ATL3: variants seen among roughly 807,000 people sequenced by gnomAD.
ATL3 encodes atlastin GTPase 3, also known as atlastin-3.
A neutral mutation model predicts 69.5 loss-of-function variants in ATL3; 49 were observed. The observed-to-expected ratio is 0.71, with a 90% CI of 0.56 to 0.89. The LOEUF is 0.89. Among genes scored for constraint, ATL3 ranks in the 40% least tolerant of loss-of-function variants. The pLI, the probability that ATL3 is intolerant of heterozygous loss-of-function variation, is 0.00. For synonymous variants in ATL3, 214 were observed against 224.1 expected (o/e 0.95, Z 0.40); for missense variants, 606 against 645.7 (o/e 0.94, Z 0.67).
At chr11:63,638,636 C>T (rs1267449780) in intron 8 of ATL3, among the ~76,000 whole-genome samples, 3 of 151,626 alleles carry the variant, frequency 2.0e-5, no homozygotes, top group African/African-American at 7.3e-5. Context: ...GCCCGGGAGG[C>T]GGAGGTGGCA....
chr11:63,646,579 A>T lies in ATL3; in HGVS notation c.562-16T>A. The T allele has an allele frequency of 6.3e-7, 1 of 1,586,676 alleles. No individual in the cohort carries two copies. The highest frequency in any genetic ancestry group is 1.2e-5 in the South Asian group (1 of 86,712). On this transcript the variant is annotated splice_polypyrimidine_tract_variant and intron_variant, in intron 5 of 12. Coordinates refer to ENST00000398868, the MANE Select transcript of ATL3 (RefSeq NM_015459.5). ...CTGTGAAGAGCTTTAAAAAAGAAGCATTATGGTTTGTAAAGCAAAATTACT... is the reference window on the plus strand; with the variant it reads ...CTGTGAAGAGCTTTAAAAAAGAAGCTTTATGGTTTGTAAAGCAAAATTACT...
At chr11:63,657,071 A>C (rs1940276325) in intron 3 of ATL3, among the ~76,000 whole-genome samples, 1 of 151,424 alleles carries the variant, frequency 6.6e-6, no homozygotes, top group Admixed American at 6.6e-5. Flanking sequence ...TTATCCAGGC[A>C]TGGTGGTGTG....
Position 63,624,289 on chromosome 11 carries a change from T to G in ATL3, c.*5030A>C, listed in dbSNP as rs569120888. ...TAAAATAAAAAAACCTGAGGAAAATTTGTGTATGTACAAGATTAGTATTAA... is the reference window on the plus strand; with the variant it reads ...TAAAATAAAAAAACCTGAGGAAAATGTGTGTATGTACAAGATTAGTATTAA... On this transcript the variant is annotated 3_prime_UTR_variant, in exon 13 of 13. Coordinates refer to ENST00000398868, the MANE Select transcript of ATL3 (RefSeq NM_015459.5). The G allele has an allele frequency of 6.6e-6, 1 of 152,168 alleles. No individual in the cohort carries two copies. The highest frequency in any genetic ancestry group is 2.1e-4 in the South Asian group (1 of 4,838). 9.4% of individuals were successfully genotyped at this position (152,168 alleles called of 1,614,324 possible).
intron 3 of ATL3, among the ~76,000 whole-genome samples, chr11:63,653,401 G>T (rs1940140811): frequency 6.6e-6 from 1 of 151,714 alleles, no homozygotes; most frequent in Non-Finnish European, 1.5e-5. Flanking sequence ...GGAGGCAGAG[G>T]TTGCAGTGAG....
intron 8 of ATL3, among the ~76,000 whole-genome samples, chr11:63,637,079 C>G (rs998051835): frequency 6.6e-6 from 1 of 152,066 alleles, no homozygotes; most frequent in Non-Finnish European, 1.5e-5. Flanking sequence ...GAGTTCCAGA[C>G]CAGTCTGGCC....
chr11:63,635,739 G>C (rs1235490574), intron 9 of ATL3, 149 bp from the exon 10 acceptor site: 2 of 632,376 alleles, frequency 3.2e-6, no homozygotes, highest in East Asian at 5.5e-5. Flanking sequence ...ACACACCTTT[G>C]AGTGCATGTT....
intron 10 of ATL3, among the ~76,000 whole-genome samples, chr11:63,633,738 A>G (rs1374467536): frequency 6.7e-6 from 1 of 149,324 alleles, no homozygotes; most frequent in Non-Finnish European, 1.5e-5. Context: ...AAAAAAGAAG[A>G]AGGAAAGGTT....
At chr11:63,664,916 T>C (rs1010184673) in intron 1 of ATL3, among the ~76,000 whole-genome samples, 2 of 152,042 alleles carry the variant, frequency 1.3e-5, no homozygotes, top group Admixed American at 1.3e-4. Context: ...AATAAACTAT[T>C]GTAAAATGAA....
chr11:63,669,247 C>T (rs1253274327), intron 1 of ATL3, among the ~76,000 whole-genome samples: 2 of 152,072 alleles, frequency 1.3e-5, no homozygotes, highest in Admixed American at 1.3e-4. Flanking sequence ...AAATACCACG[C>T]AACTGGGCCA....
Position 63,629,186 on chromosome 11 carries a change from C to T in ATL3, c.*133G>A, listed in dbSNP as rs1590713924. 2 of 669,184 alleles carry T rather than the reference C, an allele frequency of 3.0e-6. No homozygotes were observed. The highest frequency in any genetic ancestry group is 2.7e-5 in the East Asian group (1 of 37,144). 41.5% of individuals were successfully genotyped at this position (669,184 alleles called of 1,614,324 possible). A position where few individuals can be genotyped will look rare whatever the true frequency, so the allele number is the denominator to read the frequency against. On this transcript the variant is annotated 3_prime_UTR_variant, in exon 13 of 13. Transcript: ENST00000398868. ...ACAGGAGAGGTCTGCTCATTTATTA[C>T]AGGGCCATGTTTTAGCTCTTCCTGG...
intron 6 of ATL3, among the ~76,000 whole-genome samples, chr11:63,645,581 T>C (rs1388212130): frequency 6.7e-6 from 1 of 148,758 alleles, no homozygotes; most frequent in East Asian, 2.0e-4. Context: ...AGACAGAGAG[T>C]GAGTGAGTGT....
Position 63,624,800 on chromosome 11 carries a change from A to G in ATL3, c.*4519T>C, listed in dbSNP as rs983967735. On this transcript the variant is annotated 3_prime_UTR_variant, in exon 13 of 13. Coordinates refer to ENST00000398868, the MANE Select transcript of ATL3 (RefSeq NM_015459.5). ...AGGCATTCTTACTACTTCTGAACAC[A>G]GAAAACGCCTGGGGATTGTACTGGC... 1 of 152,218 alleles carries G rather than the reference A, an allele frequency of 6.6e-6. No individual in the cohort carries two copies. The highest frequency in any genetic ancestry group is 2.4e-5 in the African/African-American group (1 of 41,458). The allele number at this position is 152,218 out of a possible 1,614,324, so 9.4% of individuals were successfully genotyped here.
chr11:63,654,980 G>C (rs995877501), intron 3 of ATL3, among the ~76,000 whole-genome samples: 1 of 151,296 alleles, frequency 6.6e-6, no homozygotes, highest in Non-Finnish European at 1.5e-5. Flanking sequence ...CTCCTCATTT[G>C]GGTTATATTT....
chr11:63,631,017 G>A, intron 12 of ATL3, 23 bp downstream of exon 12: 1 of 1,575,968 alleles, frequency 6.3e-7, no homozygotes, highest in Non-Finnish European at 8.6e-7. Context: ...TCAACCCTCA[G>A]GCTCTTCAGC....
chr11:63,632,809 C>T (rs754343458), intron 11 of ATL3: 88 of 748,010 alleles, frequency 1.2e-4, no homozygotes, highest in Non-Finnish European at 1.2e-4. Context: ...TACCAATAAA[C>T]TATTTGCTAT....
rs1020063308 is a variant in ATL3, at chr11:63,626,877, A to G, written c.*2442T>C. 1 of 152,172 alleles carries G rather than the reference A, an allele frequency of 6.6e-6. No homozygotes were observed. Among genetic ancestry groups the G allele is most frequent in the African/African-American group, 2.4e-5 (1 of 41,440 alleles). 9.4% of individuals were successfully genotyped at this position (152,172 alleles called of 1,614,324 possible). On this transcript the variant is annotated 3_prime_UTR_variant, in exon 13 of 13. Coordinates refer to ENST00000398868, the MANE Select transcript of ATL3 (RefSeq NM_015459.5). Reference sequence around the variant, plus strand: ...ATTTACTGTTGAGAGAAAAGAGGCCAAAGAAAACTCTTAAGAACCCTCACT... The same window carrying G: ...ATTTACTGTTGAGAGAAAAGAGGCCGAAGAAAACTCTTAAGAACCCTCACT...
At chr11:63,634,852 AT>A (rs1415912369) in intron 10 of ATL3, among the ~76,000 whole-genome samples, 1 of 151,334 alleles carries the variant, frequency 6.6e-6, no homozygotes, top group Non-Finnish European at 1.5e-5. Context: ...CCACATCCCT[AT>A]TTTTTTCTTT....
In ATL3 at chr11:63,631,086, T is replaced by A. The variant is rs768233696; in HGVS notation, c.1493A>T (p.Glu498Val). ...GYIRYSGQYRELGGAIDFGAA... is the reference protein window; with the variant it reads ...GYIRYSGQYRVLGGAIDFGAA... ...ACCAAAATCAATAGCTCCGCCCAGC[T>A]CACGATATTGACCAGAATACCTGAT... The change falls in exon 12 of 13, where the codon GAG (glutamate) becomes GTG (valine). Residue 498 changes from glutamate (E) to valine (V), a missense_variant. Glu to Val is a moderately radical substitution (Grantham distance 121, BLOSUM62 -2). Transcript: ENST00000398868. 6.2e-7 allele frequency: 1 copy of A among 1,614,086 alleles called. No individual in the cohort carries two copies. The highest frequency in any genetic ancestry group is 1.1e-5 in the South Asian group (1 of 91,070).
intron 3 of ATL3, among the ~76,000 whole-genome samples, chr11:63,658,465 G>T (rs1439346838): frequency 6.6e-6 from 1 of 152,124 alleles, no homozygotes; most frequent in South Asian, 2.1e-4. Context: ...AAAAAAGTCT[G>T]TATAGCTTTT....
Sources: allele counts gnomAD v4.1 joint callset (sites outside exome capture counted in the v4.1 genomes callset), GRCh38; gene constraint gnomAD v4.1.1; transcripts MANE v1.5; gene names NCBI Gene and HGNC (gene_info 2026-07-23, HGNC 2026-07-21).